Variants in TOPBP1 observed in about 807,000 individuals in gnomAD.
The protein encoded by TOPBP1 is DNA topoisomerase 2-binding protein 1.
A neutral mutation model predicts 167.7 loss-of-function variants in TOPBP1; 28 were observed. That is an observed-to-expected ratio of 0.17 (90% CI 0.12 to 0.23). The LOEUF (loss-of-function observed/expected upper bound fraction) is 0.23, where lower values mean the gene tolerates loss of function less well. Among genes scored for constraint, TOPBP1 ranks in the 10% least tolerant of loss-of-function variants. TOPBP1 has a pLI of 1.00. For synonymous variants in TOPBP1, 598 were observed against 611.4 expected (o/e 0.98, Z 0.32); for missense variants, 1,554 against 1,809.6 (o/e 0.86, Z 2.56).
At chr3:133,603,452 A>C (rs954142185) in intron 27 of TOPBP1, among the ~76,000 whole-genome samples, 1 of 152,200 alleles carries the variant, frequency 6.6e-6, no homozygotes, top group African/African-American at 2.4e-5. Context: ...GCAAGGCCCA[A>C]CTATATCCTA....
chr3:133,610,853 A>G, intron 25 of TOPBP1, 151 bp downstream of exon 25: 1 of 813,210 alleles, frequency 1.2e-6, no homozygotes, highest in Non-Finnish European at 1.9e-6. Flanking sequence ...TTTTACATAT[A>G]TAAATTATTT....
intron 19 of TOPBP1, among the ~76,000 whole-genome samples, chr3:133,622,185 G>GTTTTTTTTT (rs398052284): frequency 1.9e-5 from 2 of 106,448 alleles, no homozygotes; most frequent in African/African-American, 7.5e-5. Flanking sequence ...CACCATTTAT[G>GTTTTTTTTT]TTTTTTTTTT....
chr3:133,611,750 A>T (rs1030011020), intron 24 of TOPBP1, among the ~76,000 whole-genome samples: 3 of 152,154 alleles, frequency 2.0e-5, no homozygotes, highest in Non-Finnish European at 4.4e-5. Flanking sequence ...ATGTGATGAA[A>T]TCTGAGATTT....
chr3:133,652,329 T>G lies in TOPBP1; in HGVS notation c.1089+134A>C, dbSNP rs570233718. 8 of 827,582 alleles carry G rather than the reference T, an allele frequency of 9.7e-6. No homozygotes were observed. In the African/African-American group the frequency reaches 1.4e-4, roughly 14 times the overall value. The allele number at this position is 827,582 out of a possible 1,614,324, so 51.3% of individuals were successfully genotyped here. ...CAAAGGATGGACATGGTCTAGTAAG[T>G]GCATCTACTTAGCTAGAGTGGAGGG... On this transcript the variant is annotated intron_variant, in intron 8 of 27. Transcript: ENST00000260810.
At chr3:133,631,331 A>G (rs1228669302) in intron 14 of TOPBP1, among the ~76,000 whole-genome samples, 2 of 152,214 alleles carry the variant, frequency 1.3e-5, no homozygotes, top group Non-Finnish European at 2.9e-5. Context: ...CTATTTGTGG[A>G]GTATAATCTT....
chr3:133,620,755 AGTAGAGACGCG>A (rs910053130), intron 19 of TOPBP1, among the ~76,000 whole-genome samples: 2 of 151,844 alleles, frequency 1.3e-5, no homozygotes, highest in African/African-American at 4.8e-5. Flanking sequence ...TGTATTTTTT[AGTAGAGACGCG>A]GTTTCGCCAC....
At chr3:133,640,653 C>T (rs540474741) in intron 12 of TOPBP1, among the ~76,000 whole-genome samples, 1 of 152,232 alleles carries the variant, frequency 6.6e-6, no homozygotes, top group East Asian at 1.9e-4. Context: ...TCAAGTGATC[C>T]TCCTGCCTCA....
At chr3:133,650,428 T>C (rs1041019304) in intron 8 of TOPBP1, among the ~76,000 whole-genome samples, 1 of 152,064 alleles carries the variant, frequency 6.6e-6, no homozygotes, top group African/African-American at 2.4e-5. Flanking sequence ...GGCAAGTTGC[T>C]TACGCTCTTT....
At chr3:133,647,275 T>C (rs1168503565) in intron 10 of TOPBP1, among the ~76,000 whole-genome samples, 2 of 152,218 alleles carry the variant, frequency 1.3e-5, no homozygotes, top group East Asian at 3.8e-4. Flanking sequence ...TAAATTCATA[T>C]AGCTGGAGGT....
intron 14 of TOPBP1, among the ~76,000 whole-genome samples, chr3:133,630,032 C>CTT (rs1218128031): frequency 6.6e-6 from 1 of 152,118 alleles, no homozygotes; most frequent in Non-Finnish European, 1.5e-5. Context: ...ATCATCCAAC[C>CTT]GCCTTTGACT....
At chr3:133,611,261 C>A in intron 24 of TOPBP1, 120 bp from the exon 25 acceptor site, 1 of 800,640 alleles carries the variant, frequency 1.2e-6, no homozygotes, top group Non-Finnish European at 1.8e-6. Context: ...TTAATTGTTA[C>A]AAATACAGAC....
intron 23 of TOPBP1, 118 bp from the exon 24 acceptor site, chr3:133,612,670 C>T (rs1043745442): frequency 1.0e-5 from 9 of 872,484 alleles, no homozygotes; most frequent in Middle Eastern, 3.5e-4. Flanking sequence ...CCATTTAAAC[C>T]AAAAAAACTT....
chr3:133,626,459 G>A (rs1182549272), intron 16 of TOPBP1, among the ~76,000 whole-genome samples: 2 of 152,132 alleles, frequency 1.3e-5, no homozygotes, highest in African/African-American at 2.4e-5. Context: ...CTAATGTCCC[G>A]ACAAATTCAC....
chr3:133,620,859 G>A (rs150715685), intron 19 of TOPBP1, among the ~76,000 whole-genome samples: 4,442 of 152,100 alleles, frequency 0.029, 110 homozygotes, highest in African/African-American at 0.07. Flanking sequence ...ACAGGCATGA[G>A]CCACCGTGCC....
rs1225207348 is a variant in TOPBP1, at chr3:133,649,887, G to GTT, written c.1144_1145dup (p.Asn382LysfsTer12). On this transcript the variant is annotated frameshift_variant, in exon 9 of 28. Transcript: ENST00000260810. LOFTEE classifies it high-confidence loss of function. Reference sequence around the variant, plus strand: ...GGTTAAAACGAACTCCACCTCCACTGTTAATAAGTCTTCTCAGTTTATCTA... The same window carrying GTT: ...GGTTAAAACGAACTCCACCTCCACTGTTTTAATAAGTCTTCTCAGTTTATCTA... 6.2e-7 allele frequency: 1 copy of GTT among 1,611,110 alleles called. No individual in the cohort carries two copies. The highest frequency in any genetic ancestry group is 1.3e-5 in the African/African-American group (1 of 74,808).
In TOPBP1 at chr3:133,608,048, G is replaced by C. The variant is rs112025672; in HGVS notation, c.4425+487C>G. On this transcript the variant is annotated intron_variant, in intron 27 of 27. Transcript: ENST00000260810. ...TCCTGATGGCCTTTTGGGCACTCTG[G>C]TGTCAGAAGATTTTTCTTACCCCAT... Among the ~76,000 whole-genome samples, 17 of 152,248 alleles carry C rather than the reference G, an allele frequency of 1.1e-4. 1 individual carries two copies. Among genetic ancestry groups the C allele is most frequent in the African/African-American group, 4.1e-4 (17 of 41,542 alleles).
chr3:133,659,187 T>G (rs1936593285), intron 2 of TOPBP1, 37 bp from the exon 3 acceptor site: 1 of 1,507,658 alleles, frequency 6.6e-7, no homozygotes, highest in Non-Finnish European at 8.8e-7. Context: ...TACCTGAAAT[T>G]ACTCTCCTGT....
intron 17 of TOPBP1, 91 bp downstream of exon 17, chr3:133,623,961 T>A (rs1411381721): frequency 1.4e-6 from 2 of 1,440,380 alleles, no homozygotes; most frequent in Non-Finnish European, 1.8e-6. Flanking sequence ...CTAGTTCCAT[T>A]GAGAGTGAAA....
At chr3:133,651,648 A>G in intron 8 of TOPBP1, among the ~76,000 whole-genome samples, 1 of 152,226 alleles carries the variant, frequency 6.6e-6, no homozygotes, top group East Asian at 1.9e-4. Flanking sequence ...ACAAACTTAT[A>G]AGACAGTTAT....
Sources: gnomAD v4.1 joint callset for allele counts (sites outside exome capture counted in the v4.1 genomes callset) on GRCh38, gnomAD v4.1.1 for gene constraint, MANE v1.5 for transcripts, NCBI Gene and HGNC (gene_info 2026-07-23, HGNC 2026-07-21) for gene names.